The following NPHP4 variants were observed in gnomAD, a reference collection of about 807,000 sequenced individuals.
NPHP4 encodes nephrocystin-4.
A neutral mutation model predicts 155.8 loss-of-function variants in NPHP4; 151 were observed. That is an observed-to-expected ratio of 0.97 (90% CI 0.85 to 1.11). The LOEUF is 1.11. NPHP4 is among the 50% of genes least tolerant of loss of function. The pLI, the probability that NPHP4 is intolerant of heterozygous loss-of-function variation, is 0.00. For synonymous variants in NPHP4, 845 were observed against 816.8 expected (o/e 1.03, Z -0.59); for missense variants, 1,956 against 1,925.7 (o/e 1.02, Z -0.29).
intron 6 of NPHP4, among the ~76,000 whole-genome samples, chr1:5,955,745 G>A (rs892830251): frequency 6.6e-6 from 1 of 152,226 alleles, no homozygotes; most frequent in Non-Finnish European, 1.5e-5. Context: ...AGAGACTGAG[G>A]AGGGGAGGGA....
At position 5,874,522 on chromosome 1, in the gene NPHP4, G is replaced by A. The variant is rs767575686; in HGVS notation, c.3180C>T (p.His1060=). Residue 1060 remains histidine (H), a synonymous_variant, in exon 22 of 30, where the codon CAC becomes CAT. Coordinates refer to ENST00000378156, the MANE Select transcript of NPHP4 (RefSeq NM_015102.5). ...AGAAGCTCTGGAACTTGAAGGGGAC[G>A]TGGGCGGTCTCGTGGGGGCGCAGGT... ...QLYLRPHETA[H]VPFKFQSFSA... The A allele has an allele frequency of 1.1e-5, 17 of 1,588,190 alleles. No homozygotes were observed. Among genetic ancestry groups the A allele is most frequent in the South Asian group, 6.9e-5 (6 of 87,180 alleles).
intron 27 of NPHP4, 65 bp downstream of exon 27, chr1:5,865,037 G>T: frequency 6.6e-7 from 1 of 1,523,812 alleles, no homozygotes; most frequent in Non-Finnish European, 9.1e-7. Flanking sequence ...CCAGCTGAAT[G>T]CCCACTGCCC....
At chr1:5,941,621 T>C (rs890442551) in intron 9 of NPHP4, among the ~76,000 whole-genome samples, 2 of 151,992 alleles carry the variant, frequency 1.3e-5, no homozygotes, top group Non-Finnish European at 2.9e-5. Flanking sequence ...GCAAAATAAG[T>C]AGAGATGAAG....
At chr1:5,940,056 G>T (rs1646743874) in intron 9 of NPHP4, among the ~76,000 whole-genome samples, 1 of 152,134 alleles carries the variant, frequency 6.6e-6, no homozygotes, top group Admixed American at 6.5e-5. Context: ...CTTAAAATCA[G>T]AACTACCGCT....
intron 16 of NPHP4, among the ~76,000 whole-genome samples, chr1:5,896,958 AAAG>A (rs1644425748): frequency 3.9e-5 from 6 of 152,198 alleles, no homozygotes; most frequent in Admixed American, 3.9e-4. Flanking sequence ...GCCACGCTCC[AAAG>A]ACAAAGCAAA....
At chr1:5,868,023 G>T in intron 23 of NPHP4, 127 bp from the exon 24 acceptor site, 1 of 1,016,524 alleles carries the variant, frequency 9.8e-7, no homozygotes, top group Non-Finnish European at 1.5e-6. Context: ...GCCATGAGCG[G>T]GGAAGGTCGG....
rs2101925873 is a variant in NPHP4 at position 5,947,237 on chromosome 1, C to T, written c.993-7G>A. On this transcript the variant is annotated splice_region_variant and splice_polypyrimidine_tract_variant and intron_variant, in intron 8 of 29. Transcript: ENST00000378156. ...CAGAGCTTGGCTCCCGGAGCTGGGT[C>T]AGAAACACAAACCAGGGACACATTA... is the stretch of plus-strand genomic sequence containing the variant. The T allele has an allele frequency of 6.2e-7, 1 of 1,613,400 alleles. No individual in the cohort carries two copies. The highest frequency in any genetic ancestry group is 1.3e-5 in the African/African-American group (1 of 75,016).
At chr1:5,952,650 C>T (rs1363505126) in intron 7 of NPHP4, 50 bp downstream of exon 7, 2 of 1,349,694 alleles carry the variant, frequency 1.5e-6, no homozygotes, top group South Asian at 1.3e-5. Flanking sequence ...ACCCGGGTCC[C>T]ACCCCTGCCT....
chr1:5,927,871 T>C (rs1268757307), intron 10 of NPHP4, 84 bp from the exon 11 acceptor site: 2 of 1,430,816 alleles, frequency 1.4e-6, no homozygotes, highest in Middle Eastern at 2.1e-4. Context: ...CAGCAGGCTC[T>C]GCCCTAAAAC....
Position 5,874,942 on chromosome 1 carries a change from C to T in NPHP4, c.2976G>A (p.Glu992=). 6.2e-7 allele frequency: 1 copy of T among 1,613,566 alleles called. No individual in the cohort carries two copies. Among genetic ancestry groups the T allele is most frequent in the South Asian group, 1.1e-5 (1 of 91,064 alleles). ...HATLGVAEFF[E]FVLKNPHNTQ... is the part of the protein sequence containing the mutation. Reference sequence around the variant, plus strand: ...TGTTGTGGGGGTTCTTAAGCACAAACTCAAAGAACTCGGCGACCCCCAGCG... The same window carrying T: ...TGTTGTGGGGGTTCTTAAGCACAAATTCAAAGAACTCGGCGACCCCCAGCG... The change falls in exon 21 of 30, where the codon GAG becomes GAA. Residue 992 remains glutamate, a synonymous_variant. Transcript: ENST00000378156.
At chr1:5,931,074 A>G (rs2101712839) in intron 10 of NPHP4, among the ~76,000 whole-genome samples, 1 of 152,298 alleles carries the variant, frequency 6.6e-6, no homozygotes, top group East Asian at 1.9e-4. Context: ...GATAGTGTCA[A>G]TAGTAATATA....
At chr1:5,897,195 C>T (rs1362805884) in intron 16 of NPHP4, among the ~76,000 whole-genome samples, 1 of 152,136 alleles carries the variant, frequency 6.6e-6, no homozygotes, top group Non-Finnish European at 1.5e-5. Context: ...GACAAATTAC[C>T]ATTTCAAAAA....
intron 11 of NPHP4, among the ~76,000 whole-genome samples, chr1:5,915,943 G>T (rs982657920): frequency 6.6e-6 from 1 of 152,186 alleles, no homozygotes; most frequent in African/African-American, 2.4e-5. Context: ...CTGTCGGAGA[G>T]GATGTTCCAG....
intron 11 of NPHP4, among the ~76,000 whole-genome samples, chr1:5,915,960 T>C (rs147540617): frequency 0.01 from 1,565 of 152,216 alleles, 25 homozygotes; most frequent in African/African-American, 0.034. Flanking sequence ...CCAGACCAGC[T>C]AGCAGCACAG....
In NPHP4 at chr1:5,905,672, G is replaced by A. The variant is rs1453723348; in HGVS notation, c.1723C>T (p.Pro575Ser). ...AEQLQELPFTPLHAPIVVGTQ... is the reference protein window; with the variant it reads ...AEQLQELPFTSLHAPIVVGTQ... ...CCCACAACAATAGGGGCATGCAAAG[G>A]CGTGAACGGCAGCTCCTGTAACTGT... The change falls in exon 14 of 30, where the codon CCT becomes TCT. Residue 575 changes from proline to serine, a missense_variant. By Grantham distance (74) the Pro-to-Ser change is moderately conservative. Coordinates refer to ENST00000378156, the MANE Select transcript of NPHP4 (RefSeq NM_015102.5). The surrounding 1 kb of genome is among the most constrained non-coding windows in gnomAD (Gnocchi z 4.0). The A allele has an allele frequency of 1.2e-6, 2 of 1,613,974 alleles. No individual in the cohort carries two copies. The highest frequency in any genetic ancestry group is 1.3e-5 in the African/African-American group (1 of 75,060).
intron 6 of NPHP4, among the ~76,000 whole-genome samples, chr1:5,959,076 T>C (rs917666442): frequency 1.3e-5 from 2 of 151,830 alleles, no homozygotes; most frequent in Non-Finnish European, 2.9e-5. Context: ...CTGAGATACC[T>C]ATCCTTTCTC....
intron 11 of NPHP4, among the ~76,000 whole-genome samples, chr1:5,920,406 G>A (rs1368140294): frequency 6.6e-6 from 1 of 152,196 alleles, no homozygotes; most frequent in East Asian, 1.9e-4. Context: ...GTCCAGAGGA[G>A]CTCCGTAGAG....
chr1:5,948,371 A>C (rs1455580288), intron 7 of NPHP4, 120 bp from the exon 8 acceptor site: 4 of 690,150 alleles, frequency 5.8e-6, no homozygotes, highest in Non-Finnish European at 9.5e-6. Context: ...ATAACTGCAG[A>C]TCAGATGATG....
intron 28 of NPHP4, 112 bp from the exon 29 acceptor site, chr1:5,864,145 G>T: frequency 7.7e-7 from 1 of 1,291,926 alleles, no homozygotes; most frequent in East Asian, 2.5e-5. Context: ...GACCCCCACA[G>T]AGATAAGACA....
Sources: gnomAD v4.1 joint callset for allele counts (sites outside exome capture counted in the v4.1 genomes callset) on GRCh38, gnomAD v4.1.1 for gene constraint, Gnocchi (gnomAD v3.1) non-coding constraint, MANE v1.5 for transcripts, NCBI Gene and HGNC (gene_info 2026-07-23, HGNC 2026-07-21) for gene names.